MCF2L: variants seen among roughly 807,000 people sequenced by gnomAD.
MCF2L encodes guanine nucleotide exchange factor DBS.
In MCF2L, 97 loss-of-function variants were observed where a neutral mutation model predicts 153.4. The ratio of observed to expected loss-of-function variants is 0.63; its 90% CI spans 0.54 to 0.75. MCF2L has a LOEUF of 0.75. MCF2L is among the 30% of genes least tolerant of loss of function. The pLI, the probability that MCF2L is intolerant of heterozygous loss-of-function variation, is 0.00. For missense variants in MCF2L, 1,347 were observed against 1,495.2 expected (o/e 0.90, Z 1.64); for synonymous variants, 659 against 632.2 (o/e 1.04, Z -0.64).
rs533816792 is a variant in MCF2L at position 112,924,362 on chromosome 13, A to G, written c.169+21991A>G. The stretch of plus-strand genomic sequence containing the variant: ...TATGCAGTTGTTACATTTCTGGAAA[A>G]CCCAAAATAATCATTGGATAAAATG... On this transcript the variant is annotated intron_variant, in intron 2 of 29. Coordinates refer to the MCF2L transcript ENST00000375608. 5.9e-5 allele frequency among the ~76,000 whole-genome samples: 9 copies of G among 152,218 alleles called. No individual in the cohort carries two copies. The South Asian group carries it at 1.5e-3, about 25-fold the overall frequency.
intron 3 of MCF2L, among the ~76,000 whole-genome samples, chr13:113,030,629 G>A (rs1269324190): frequency 6.6e-6 from 1 of 152,200 alleles, no homozygotes; most frequent in Non-Finnish European, 1.5e-5. Flanking sequence ...GGGCCCTCGG[G>A]TGTCTGCCGA....
In MCF2L at chr13:113,090,483, A is replaced by C. The variant is rs1036272335; in HGVS notation, c.2953+755A>C. Reference sequence around the variant, plus strand: ...CCGCCTTCTCAGGTGAGTTCCCTGCAGGGTGCTGACCTTGCTGGCTGCGTG... The same window carrying C: ...CCGCCTTCTCAGGTGAGTTCCCTGCCGGGTGCTGACCTTGCTGGCTGCGTG... On this transcript the variant is annotated intron_variant, in intron 26 of 29. Coordinates refer to ENST00000535094, the MANE Select transcript of MCF2L (RefSeq NM_001112732.3). 4 of 955,208 alleles carry C rather than the reference A, an allele frequency of 4.2e-6. No homozygotes were observed. In the African/African-American group the frequency reaches 8.4e-5, roughly 20 times the overall value. 59.2% of individuals were successfully genotyped at this position (955,208 alleles called of 1,614,324 possible). A position where few individuals can be genotyped will look rare whatever the true frequency, so the allele number is the denominator to read the frequency against.
intron 3 of MCF2L, among the ~76,000 whole-genome samples, chr13:113,034,428 T>G (rs2086002564): frequency 6.6e-6 from 1 of 152,178 alleles, no homozygotes; most frequent in Non-Finnish European, 1.5e-5. Flanking sequence ...TGAGCCACCA[T>G]GCCCGGCCAG....
At chr13:113,023,016 G>A (rs1411050473) in intron 2 of MCF2L, among the ~76,000 whole-genome samples, 1 of 152,230 alleles carries the variant, frequency 6.6e-6, no homozygotes, top group Non-Finnish European at 1.5e-5. Context: ...GAGTTCGGAG[G>A]ATAGAAGTCA....
chr13:113,004,770 T>C (rs1178784680), intron 1 of MCF2L, among the ~76,000 whole-genome samples: 1 of 152,362 alleles, frequency 6.6e-6, no homozygotes, highest in Admixed American at 6.5e-5. Context: ...TGTGTGGTGA[T>C]GACACCAAGC....
intron 2 of MCF2L, among the ~76,000 whole-genome samples, chr13:112,926,314 C>T (rs775757908): frequency 7.9e-5 from 12 of 151,208 alleles, no homozygotes; most frequent in Non-Finnish European, 1.3e-4. Context: ...ACGTACACAG[C>T]GGAGTGCAGT....
chr13:113,024,905 G>A, intron 3 of MCF2L, 147 bp downstream of exon 3: 1 of 657,260 alleles, frequency 1.5e-6, no homozygotes, highest in Admixed American at 2.3e-5. Context: ...TGTGGGTCGG[G>A]GCAGAGTCCC....
In MCF2L at chr13:112,954,708, C is replaced by T. The variant is rs563726679; in HGVS notation, c.169+52337C>T. On this transcript the variant is annotated intron_variant, in intron 2 of 29. Transcript: ENST00000375608. ...TGCCCCATGGTGCAGAACAGCTGCT[C>T]CAGGACCTCTGGGGTGCTTTTTGCA... Among the ~76,000 whole-genome samples the T allele has an allele frequency of 1.5e-3, 221 of 152,322 alleles. 1 individual carries two copies. The highest frequency in any genetic ancestry group is 4.4e-3 in the African/African-American group (184 of 41,568).
upstream of MCF2L, among the ~76,000 whole-genome samples, chr13:112,964,563 T>C (rs2081870596): frequency 6.6e-6 from 1 of 152,256 alleles, no homozygotes; most frequent in Non-Finnish European, 1.5e-5. Flanking sequence ...TCTCTACTTG[T>C]AGGAAATTAA....
intron 1 of MCF2L, among the ~76,000 whole-genome samples, chr13:112,899,223 T>TTGTG (rs148172967): frequency 9.9e-5 from 15 of 151,782 alleles, no homozygotes; most frequent in Non-Finnish European, 1.6e-4. Context: ...ACAGATTTAA[T>TTGTG]TGTGTGTGTG....
chr13:112,929,500 A>C (rs1351065207), intron 2 of MCF2L, among the ~76,000 whole-genome samples: 1 of 152,186 alleles, frequency 6.6e-6, no homozygotes. Flanking sequence ...TAGTAAAACC[A>C]CTTGGGAAAA....
At chr13:112,971,283 C>T (rs567602436) in intron 1 of MCF2L, among the ~76,000 whole-genome samples, 2 of 152,318 alleles carry the variant, frequency 1.3e-5, no homozygotes, top group East Asian at 3.9e-4. Context: ...ATTCCAAGCA[C>T]TTCCTCAGGA....
Position 113,045,603 on chromosome 13 carries a change from A to C in MCF2L, c.369+242A>C. On this transcript the variant is annotated intron_variant, in intron 4 of 29. Coordinates refer to ENST00000535094, the MANE Select transcript of MCF2L (RefSeq NM_001112732.3). The surrounding 1 kb of genome is among the most constrained non-coding windows in gnomAD (Gnocchi z 4.2). Reference sequence around the variant, plus strand: ...GGGAGCCCAATGTGACTTGCAAACAATTTCCCCAGGCAGAGCAGCCCATAT... The same window carrying C: ...GGGAGCCCAATGTGACTTGCAAACACTTTCCCCAGGCAGAGCAGCCCATAT... 3.5e-6 allele frequency: 2 copies of C among 569,746 alleles called. No homozygotes were observed. Among genetic ancestry groups the C allele is most frequent in the Non-Finnish European group, 6.3e-6 (2 of 317,182 alleles). 35.3% of individuals were successfully genotyped at this position (569,746 alleles called of 1,614,324 possible). A position where few individuals can be genotyped will look rare whatever the true frequency, so the allele number is the denominator to read the frequency against.
chr13:113,074,789 G>A lies in MCF2L; in HGVS notation c.1117-209G>A, dbSNP rs2033284947. On this transcript the variant is annotated intron_variant, in intron 10 of 29. Transcript: ENST00000535094. The surrounding 1 kb of genome is among the most constrained non-coding windows in gnomAD (Gnocchi z 4.2). ...TCCTCTGGGTCAGGTCCCTGCAGAC[G>A]GTCAATGCCTTTGCTGGGACCACCA... Among the ~76,000 whole-genome samples the A allele has an allele frequency of 1.3e-5, 2 of 151,666 alleles. No homozygotes were observed.
chr13:112,905,451 G>A lies in MCF2L; in HGVS notation c.169+3080G>A, dbSNP rs187029728. Among the ~76,000 whole-genome samples the A allele has an allele frequency of 3.2e-3, 495 of 152,310 alleles. 9 individuals are homozygous for A. Among genetic ancestry groups the A allele is most frequent in the Admixed American group, 0.031 (477 of 15,298 alleles). Reference sequence around the variant, plus strand: ...TGGATGTGGGTTACAGATTGGGAACGGCACGAAGTTTGTTTACCGTAACTA... The same window carrying A: ...TGGATGTGGGTTACAGATTGGGAACAGCACGAAGTTTGTTTACCGTAACTA... On this transcript the variant is annotated intron_variant, in intron 2 of 29. Coordinates refer to the MCF2L transcript ENST00000375608.
intron 2 of MCF2L, among the ~76,000 whole-genome samples, chr13:112,955,761 C>T (rs554170629): frequency 2.0e-5 from 3 of 152,286 alleles, no homozygotes; most frequent in South Asian, 2.1e-4. Flanking sequence ...AAGCTAAGAC[C>T]GAGGGCTTGT....
rs544661296 is a variant in MCF2L at position 112,985,380 on chromosome 13, G to A, written c.79+15922G>A. Reference sequence around the variant, plus strand: ...GCGTCCTCCCCGGCAGCTGATCCTCGCCATGGGGGACGGAAAGGCTGTCCG... The same window carrying A: ...GCGTCCTCCCCGGCAGCTGATCCTCACCATGGGGGACGGAAAGGCTGTCCG... On this transcript the variant is annotated intron_variant, in intron 1 of 29. Transcript: ENST00000535094. The A allele has an allele frequency of 9.6e-5, 45 of 470,746 alleles. No individual in the cohort carries two copies. In the East Asian group the frequency reaches 2.3e-3, roughly 24 times the overall value. 29.2% of individuals were successfully genotyped at this position (470,746 alleles called of 1,614,324 possible).
At chr13:113,066,282 C>T in intron 8 of MCF2L, 112 bp downstream of exon 8, 1 of 1,305,984 alleles carries the variant, frequency 7.7e-7, no homozygotes, top group Non-Finnish European at 1.0e-6. Flanking sequence ...AGCAGCGTGG[C>T]AGGCAACCCC....
chr13:113,044,919 T>C, intron 3 of MCF2L: 3 of 1,609,108 alleles, frequency 1.9e-6, no homozygotes, highest in Non-Finnish European at 2.5e-6. Context: ...TTGGAGGGTT[T>C]AGTCAGCTGG....
Sources: gnomAD v4.1 joint callset for allele counts (sites outside exome capture counted in the v4.1 genomes callset) on GRCh38, gnomAD v4.1.1 for gene constraint, Gnocchi (gnomAD v3.1) non-coding constraint, MANE v1.5 for transcripts, NCBI Gene and HGNC (gene_info 2026-07-23, HGNC 2026-07-21) for gene names.